MFAP2: variants seen among roughly 807,000 people sequenced by gnomAD.
The protein encoded by MFAP2 is microfibril associated protein 2.
MFAP2 carries 23 observed loss-of-function variants against 30.6 expected under a neutral mutation model. That is an observed-to-expected ratio of 0.75 (90% CI 0.54 to 1.07). The LOEUF is 1.07. MFAP2 is among the 50% of genes least tolerant of loss of function. The pLI is 0.00. For synonymous variants in MFAP2, 73 were observed against 85.7 expected, an observed-to-expected ratio of 0.85 and a Z score of 0.82; for missense variants, 198 against 223.8, an observed-to-expected ratio of 0.88 and a Z score of 0.74.
chr1:16,974,692 C>G lies in MFAP2; in HGVS notation c.*228G>C. ...CACAGAGAGGCCTGGGATACTCCCC[C>G]AACCCGAGGGGCAGACTGGGCAGTG... is the stretch of plus-strand genomic sequence containing the variant. On this transcript the variant is annotated 3_prime_UTR_variant, in exon 9 of 9. Transcript: ENST00000375535. The G allele has an allele frequency of 7.1e-6, 1 of 140,928 alleles. No individual in the cohort carries two copies. The highest frequency in any genetic ancestry group is 7.5e-5 in the South Asian group (1 of 13,420). 8.7% of individuals were successfully genotyped at this position (140,928 alleles called of 1,614,324 possible).
chr1:16,977,268 A>G, intron 2 of MFAP2, 70 bp from the exon 3 acceptor site: 1 of 1,494,292 alleles, frequency 6.7e-7, no homozygotes, highest in Non-Finnish European at 9.1e-7. Context: ...GCTTCTGGAG[A>G]GTGGAGGCGG....
chr1:16,977,599 G>T, intron 2 of MFAP2: 1 of 203,366 alleles, frequency 4.9e-6, no homozygotes, highest in Non-Finnish European at 1.0e-5. Flanking sequence ...TTTCTGTCCA[G>T]CACTCAGCAC....
intron 2 of MFAP2, chr1:16,977,407 C>T (rs2076602438): frequency 5.3e-6 from 3 of 567,626 alleles, no homozygotes; most frequent in Non-Finnish European, 9.4e-6. Flanking sequence ...CCTTACCCTG[C>T]CCCTTCCTGT....
intron 1 of MFAP2, among the ~76,000 whole-genome samples, chr1:16,980,267 A>AACCCCC (rs2076627010): frequency 1.2e-5 from 1 of 80,300 alleles, no homozygotes; most frequent in African/African-American, 6.7e-5. Flanking sequence ...TTCCCACCGG[A>AACCCCC]CCCCCCCCCC....
intron 1 of MFAP2, chr1:16,978,990 A>G (rs888700364): frequency 3.3e-5 from 5 of 152,228 alleles, no homozygotes; most frequent in Non-Finnish European, 7.3e-5. Flanking sequence ...GACCCGGGCT[A>G]TTTGCAGCAG....
Position 16,976,826 on chromosome 1 carries a change from C to T in MFAP2, c.155-32G>A, listed in dbSNP as rs368426855. On this transcript the variant is annotated intron_variant, in intron 4 of 8. Coordinates refer to ENST00000375535, the MANE Select transcript of MFAP2 (RefSeq NM_002403.4). The surrounding 1 kb of genome is among the most constrained non-coding windows in gnomAD (Gnocchi z 5.5). ...CCAGGGGAGGATAAGGGGGTCTGCT[C>T]CCTCTACCCCTCCCAGGGGGTCTCC... 41 of 1,614,048 alleles carry T rather than the reference C, an allele frequency of 2.5e-5. No homozygotes were observed. In the East Asian group the frequency reaches 6.9e-4, roughly 27 times the overall value.
chr1:16,976,572 C>G lies in MFAP2; in HGVS notation c.242-27G>C. ...TGGTGTGGAGACAGAGGTAGGCAGACATCACTGGGAGGGGTCTCCTCAGGG... is the reference window on the plus strand; with the variant it reads ...TGGTGTGGAGACAGAGGTAGGCAGAGATCACTGGGAGGGGTCTCCTCAGGG... On this transcript the variant is annotated intron_variant, in intron 5 of 8. Coordinates refer to ENST00000375535, the MANE Select transcript of MFAP2 (RefSeq NM_002403.4). This position sits in a 1 kb window ranked among gnomAD's most constrained non-coding sequence, Gnocchi z 5.5. 1 of 1,614,182 alleles carries G rather than the reference C, an allele frequency of 6.2e-7. No homozygotes were observed. Among genetic ancestry groups the G allele is most frequent in the Non-Finnish European group, 8.5e-7 (1 of 1,180,016 alleles).
chr1:16,977,146 A>G lies in MFAP2; in HGVS notation c.90T>C (p.Pro30=). The change falls in exon 3 of 9, where the codon CCT becomes CCC. Residue 30 remains proline, a synonymous_variant. Coordinates refer to ENST00000375535, the MANE Select transcript of MFAP2 (RefSeq NM_002403.4). The stretch of plus-strand genomic sequence containing the variant: ...TATAGTGGGTGTACTGGACGTGGTC[A>G]GGGAACGGCGGCAGCGGGTCCAGGT... The part of the protein sequence containing the change: ...QYDLDPLPPF[P]DHVQYTHYSD... 1 of 1,613,858 alleles carries G rather than the reference A, an allele frequency of 6.2e-7. No homozygotes were observed. Among genetic ancestry groups the G allele is most frequent in the Non-Finnish European group, 8.5e-7 (1 of 1,179,988 alleles).
chr1:16,975,775 G>A lies in MFAP2; in HGVS notation c.287-45C>T. 6.4e-7 allele frequency: 1 copy of A among 1,558,964 alleles called. No individual in the cohort carries two copies. Among genetic ancestry groups the A allele is most frequent in the Non-Finnish European group, 8.8e-7 (1 of 1,136,562 alleles). ...GACTAGGAGCCCAGAGTGGGGGGCG[G>A]CCCCCAGCCTCACCCACCTGAGGCT... On this transcript the variant is annotated intron_variant, in intron 6 of 8. Coordinates refer to ENST00000375535, the MANE Select transcript of MFAP2 (RefSeq NM_002403.4). The surrounding 1 kb of genome is among the most constrained non-coding windows in gnomAD (Gnocchi z 5.0).
Position 16,975,734 on chromosome 1 carries a change from G to C in MFAP2, c.287-4C>G. ...GGGTACTGTTCCTCACGGCAGTCTG[G>C]TGACAGGTGGGGTCAGACTAGGAGC... On this transcript the variant is annotated splice_region_variant and splice_polypyrimidine_tract_variant and intron_variant, in intron 6 of 8. Transcript: ENST00000375535. This position sits in a 1 kb window ranked among gnomAD's most constrained non-coding sequence, Gnocchi z 5.0. 6.2e-7 allele frequency: 1 copy of C among 1,612,914 alleles called. No individual in the cohort carries two copies. Among genetic ancestry groups the C allele is most frequent in the South Asian group, 1.1e-5 (1 of 90,862 alleles).
rs1034027691 is a variant in MFAP2 at position 16,975,408 on chromosome 1, C to T, written c.375-66G>A. 4.1e-5 allele frequency: 43 copies of T among 1,038,166 alleles called. 1 individual carries two copies. In the South Asian group the frequency reaches 5.5e-4, roughly 13 times the overall value. 64.3% of individuals were successfully genotyped at this position (1,038,166 alleles called of 1,614,324 possible). Reference sequence around the variant, plus strand: ...CCCAATCCCACTGGGATAGCCCAGACAGAACCTGGCACGGGAGCCCGGACA... The same window carrying T: ...CCCAATCCCACTGGGATAGCCCAGATAGAACCTGGCACGGGAGCCCGGACA... On this transcript the variant is annotated intron_variant, in intron 7 of 8. Coordinates refer to ENST00000375535, the MANE Select transcript of MFAP2 (RefSeq NM_002403.4). The surrounding 1 kb of genome is among the most constrained non-coding windows in gnomAD (Gnocchi z 5.0).
At position 16,975,414 on chromosome 1, in the gene MFAP2, C is replaced by G; in HGVS notation, c.375-72G>C. The stretch of plus-strand genomic sequence containing the variant: ...CCCACTGGGATAGCCCAGACAGAAC[C>G]TGGCACGGGAGCCCGGACAGAACCT... On this transcript the variant is annotated intron_variant, in intron 7 of 8. Coordinates refer to ENST00000375535, the MANE Select transcript of MFAP2 (RefSeq NM_002403.4). This position sits in a 1 kb window ranked among gnomAD's most constrained non-coding sequence, Gnocchi z 5.0. 1 of 1,023,172 alleles carries G rather than the reference C, an allele frequency of 9.8e-7. No homozygotes were observed. The highest frequency in any genetic ancestry group is 1.7e-5 in the South Asian group (1 of 57,840). 63.4% of individuals were successfully genotyped at this position (1,023,172 alleles called of 1,614,324 possible).
rs2100580201 is a variant in MFAP2, at chr1:16,975,614, C to T, written c.374+29G>A. The T allele has an allele frequency of 2.5e-6, 4 of 1,608,912 alleles. No individual in the cohort carries two copies. Among genetic ancestry groups the T allele is most frequent in the Non-Finnish European group, 2.6e-6 (3 of 1,175,914 alleles). On this transcript the variant is annotated intron_variant, in intron 7 of 8. Coordinates refer to ENST00000375535, the MANE Select transcript of MFAP2 (RefSeq NM_002403.4). This position sits in a 1 kb window ranked among gnomAD's most constrained non-coding sequence, Gnocchi z 5.0. The stretch of plus-strand genomic sequence containing the variant: ...CCTCTAGCCCCCCATGCTCCGGAAT[C>T]CTCCCGACAGCTGCCCATCTGTGCT...
chr1:16,976,374 A>T lies in MFAP2; in HGVS notation c.286+127T>A. 1 of 1,226,508 alleles carries T rather than the reference A, an allele frequency of 8.2e-7. No homozygotes were observed. The highest frequency in any genetic ancestry group is 1.2e-6 in the Non-Finnish European group (1 of 834,622). The allele number at this position is 1,226,508 out of a possible 1,614,324, so 76.0% of individuals were successfully genotyped here. A position where few individuals can be genotyped will look rare whatever the true frequency, so the allele number is the denominator to read the frequency against. ...GGTGATGCCAGCCTACGGCAGTCAT[A>T]CTGCCCACACTGCCAAGAGCCCACA... is the stretch of plus-strand genomic sequence containing the variant. On this transcript the variant is annotated intron_variant, in intron 6 of 8. Transcript: ENST00000375535. The surrounding 1 kb of genome is among the most constrained non-coding windows in gnomAD (Gnocchi z 5.5).
At chr1:16,977,072 G>A (rs1252352472) in intron 3 of MFAP2, 37 bp downstream of exon 3, 1 of 1,613,486 alleles carries the variant, frequency 6.2e-7, no homozygotes, top group Admixed American at 1.7e-5. Flanking sequence ...AGGCACATCT[G>A]AGCAGCCAGG....
rs886698368 is a variant in MFAP2 at position 16,976,238 on chromosome 1, C to T, written c.286+263G>A. On this transcript the variant is annotated intron_variant, in intron 6 of 8. Transcript: ENST00000375535. The surrounding 1 kb of genome is among the most constrained non-coding windows in gnomAD (Gnocchi z 5.5). ...CTGGCAGGAAGCCCCCAGCACACTC[C>T]CTGCCCCTCCCAGTATCTGTGAGGT... is the stretch of plus-strand genomic sequence containing the variant. 1.2e-5 allele frequency: 7 copies of T among 590,692 alleles called. No individual in the cohort carries two copies. Among genetic ancestry groups the T allele is most frequent in the Non-Finnish European group, 2.1e-5 (7 of 331,498 alleles). 36.6% of individuals were successfully genotyped at this position (590,692 alleles called of 1,614,324 possible). A position where few individuals can be genotyped will look rare whatever the true frequency, so the allele number is the denominator to read the frequency against.
rs780454975 is a variant in MFAP2 at position 16,976,097 on chromosome 1, C to T, written c.287-367G>A. 6.4e-6 allele frequency: 3 copies of T among 469,536 alleles called. No individual in the cohort carries two copies. The highest frequency in any genetic ancestry group is 2.3e-5 in the South Asian group (1 of 43,178). The allele number at this position is 469,536 out of a possible 1,614,324, so 29.1% of individuals were successfully genotyped here. A position where few individuals can be genotyped will look rare whatever the true frequency, so the allele number is the denominator to read the frequency against. ...GAGTGAGCACACGGATTCTCCTGCACACACACACCTTGTTCTTTCAAGCTC... is the reference window on the plus strand; with the variant it reads ...GAGTGAGCACACGGATTCTCCTGCATACACACACCTTGTTCTTTCAAGCTC... On this transcript the variant is annotated intron_variant, in intron 6 of 8. Coordinates refer to ENST00000375535, the MANE Select transcript of MFAP2 (RefSeq NM_002403.4). This position sits in a 1 kb window ranked among gnomAD's most constrained non-coding sequence, Gnocchi z 5.5.
chr1:16,981,546 C>T (rs967010890), upstream of MFAP2, among the ~76,000 whole-genome samples: 1 of 152,228 alleles, frequency 6.6e-6, no homozygotes, highest in African/African-American at 2.4e-5. Context: ...CCGTTCACTG[C>T]TCCCACCCTG....
At chr1:16,980,775 G>C (rs983278624), upstream of MFAP2, 6 of 152,504 alleles carry the variant, frequency 3.9e-5, no homozygotes, top group East Asian at 5.8e-4. Context: ...CTCCTGGGGG[G>C]GGGGGTGTCC....
Sources: allele counts gnomAD v4.1 joint callset (sites outside exome capture counted in the v4.1 genomes callset), GRCh38; gene constraint gnomAD v4.1.1; non-coding constraint Gnocchi (gnomAD v3.1); transcripts MANE v1.5; gene names NCBI Gene and HGNC (gene_info 2026-07-23, HGNC 2026-07-21).